Variants in BCL2L11 observed in about 807,000 individuals in gnomAD.
The protein encoded by BCL2L11 is BCL2 like 11.
BCL2L11 carries 15 observed loss-of-function variants against 20.6 expected under a neutral mutation model. The ratio of observed to expected loss-of-function variants is 0.73; its 90% confidence interval spans 0.49 to 1.12. BCL2L11 has a LOEUF of 1.12. Among genes scored for constraint, BCL2L11 ranks in the 50% most tolerant of loss-of-function variants. The pLI is 0.00. For missense variants in BCL2L11, 292 were observed against 260.9 expected (o/e 1.12, Z -0.82); for synonymous variants, 108 against 92.8 (o/e 1.16, Z -0.94).
intron 2 of BCL2L11, chr2:111,146,361 C>A: frequency 1.8e-6 from 1 of 542,882 alleles, no homozygotes; most frequent in Non-Finnish European, 2.4e-6. Flanking sequence ...TCTTACTTTT[C>A]TTATAAACTA....
intron 2 of BCL2L11, among the ~76,000 whole-genome samples, chr2:111,134,105 C>A (rs2074434744): frequency 1.3e-5 from 2 of 151,406 alleles, no homozygotes; most frequent in Admixed American, 1.3e-4. Flanking sequence ...TTTAGATAAA[C>A]CTGTTTTATC....
rs916309953 is a variant in BCL2L11 at position 111,156,522 on chromosome 2, G to C, written c.498+6375G>C. ...TCCTGTCTTAGACTACCCCGTTTCC[G>C]TCCCAGAAGTACAATGGCCAGAGGT... On this transcript the variant is annotated intron_variant, in intron 3 of 3. Coordinates refer to ENST00000393256, the MANE Select transcript of BCL2L11 (RefSeq NM_138621.5). Among the ~76,000 whole-genome samples, 4 of 152,308 alleles carry C rather than the reference G, an allele frequency of 2.6e-5. No homozygotes were observed. In the East Asian group the frequency reaches 7.7e-4, roughly 29 times the overall value.
chr2:111,129,018 C>T (rs1223893974), intron 2 of BCL2L11, among the ~76,000 whole-genome samples: 2 of 152,216 alleles, frequency 1.3e-5, no homozygotes, highest in Non-Finnish European at 2.9e-5. Context: ...CACATCACTT[C>T]CATGAAGCTT....
At chr2:111,156,467 G>T (rs780488673) in intron 3 of BCL2L11, among the ~76,000 whole-genome samples, 1 of 152,176 alleles carries the variant, frequency 6.6e-6, no homozygotes, top group African/African-American at 2.4e-5. Context: ...GGAGGAGGCA[G>T]CTCAGTGTTT....
chr2:111,139,495 G>A (rs988055827), intron 2 of BCL2L11, among the ~76,000 whole-genome samples: 1 of 152,240 alleles, frequency 6.6e-6, no homozygotes, highest in Non-Finnish European at 1.5e-5. Context: ...TTGTGTGAAT[G>A]AAATCAAGAC....
At chr2:111,140,873 G>A (rs2075688458) in intron 2 of BCL2L11, among the ~76,000 whole-genome samples, 1 of 152,216 alleles carries the variant, frequency 6.6e-6, no homozygotes, top group Non-Finnish European at 1.5e-5. Context: ...ATATACGAGT[G>A]CCACCAGTTC....
At chr2:111,133,225 A>G (rs546322124) in intron 2 of BCL2L11, among the ~76,000 whole-genome samples, 18 of 152,258 alleles carry the variant, frequency 1.2e-4, no homozygotes, top group Non-Finnish European at 1.6e-4. Context: ...ATTTTCTTCA[A>G]TTAGAATGGC....
Position 111,142,258 on chromosome 2 carries a change from T to C in BCL2L11, c.395-7786T>C, listed in dbSNP as rs1471090135. The C allele has an allele frequency of 2.8e-6, 4 of 1,434,094 alleles. No homozygotes were observed. The Admixed American group carries it at 5.9e-5, about 21-fold the overall frequency. The allele number at this position is 1,434,094 out of a possible 1,614,324, so 88.8% of individuals were successfully genotyped here. On this transcript the variant is annotated intron_variant, in intron 2 of 3. Transcript: ENST00000393256. ...TTTCCTTCTGTGACAAAACAAGTTA[T>C]CTGTCTGGGAAGACATGGCACAATT...
chr2:111,156,736 C>G (rs1193075429), intron 3 of BCL2L11, among the ~76,000 whole-genome samples: 1 of 152,150 alleles, frequency 6.6e-6, no homozygotes. Flanking sequence ...AGCCCTGACT[C>G]TACCCTTAAC....
At chr2:111,156,260 A>C (rs573610200) in intron 3 of BCL2L11, among the ~76,000 whole-genome samples, 3 of 152,356 alleles carry the variant, frequency 2.0e-5, no homozygotes, top group African/African-American at 7.2e-5. Flanking sequence ...AGTCGTGGAA[A>C]TCTGCACATC....
intron 2 of BCL2L11, among the ~76,000 whole-genome samples, chr2:111,132,536 C>T (rs1021582264): frequency 2.0e-5 from 3 of 152,160 alleles, no homozygotes; most frequent in African/African-American, 4.8e-5. Flanking sequence ...ACATTTTAGT[C>T]TCATTATACT....
chr2:111,123,969 C>T lies in BCL2L11; in HGVS notation c.224C>T (p.Thr75Ile). 1 of 1,614,240 alleles carries T rather than the reference C, an allele frequency of 6.2e-7. No individual in the cohort carries two copies. The highest frequency in any genetic ancestry group is 8.5e-7 in the Non-Finnish European group (1 of 1,180,038). Residue 75 changes from threonine (T) to isoleucine (I), a missense_variant, in exon 2 of 4, where the codon ACC becomes ATC. Coordinates refer to ENST00000393256, the MANE Select transcript of BCL2L11 (RefSeq NM_138621.5). The part of the protein sequence containing the change: ...APPASPGPFA[T>I]RSPLFIFMRR... Reference sequence around the variant, plus strand: ...CCTGCCAGCCCTGGCCCTTTTGCTACCAGATCCCCGCTTTTCATCTTTATG... The same window carrying T: ...CCTGCCAGCCCTGGCCCTTTTGCTATCAGATCCCCGCTTTTCATCTTTATG...
chr2:111,127,081 C>G (rs1003027124), intron 2 of BCL2L11, among the ~76,000 whole-genome samples: 2 of 152,130 alleles, frequency 1.3e-5, no homozygotes, highest in Admixed American at 6.5e-5. Flanking sequence ...GCAACAGATA[C>G]AGTTTTTTCA....
At chr2:111,160,635 G>A (rs2078438241) in intron 3 of BCL2L11, among the ~76,000 whole-genome samples, 1 of 152,168 alleles carries the variant, frequency 6.6e-6, no homozygotes, top group African/African-American at 2.4e-5. Context: ...ACTGGGTGGG[G>A]CCCTCCTCTT....
At chr2:111,151,894 G>A (rs1457286676) in intron 3 of BCL2L11, 1 of 1,545,816 alleles carries the variant, frequency 6.5e-7, no homozygotes, top group Non-Finnish European at 8.8e-7. Context: ...ATCTGAAATG[G>A]TAATTTTTTT....
At chr2:111,151,153 C>T (rs2077208577) in intron 3 of BCL2L11, among the ~76,000 whole-genome samples, 1 of 152,152 alleles carries the variant, frequency 6.6e-6, no homozygotes, top group African/African-American at 2.4e-5. Flanking sequence ...CTGCCTGCCT[C>T]GGCCTCCCAA....
chr2:111,150,811 C>T (rs995427889), intron 3 of BCL2L11, among the ~76,000 whole-genome samples: 3 of 152,106 alleles, frequency 2.0e-5, no homozygotes, highest in Admixed American at 6.5e-5. Context: ...TTAGTAGAAG[C>T]GGTGTTTTTT....
intron 2 of BCL2L11, chr2:111,128,879 G>A (rs961020304): frequency 4.4e-6 from 6 of 1,363,562 alleles, no homozygotes; most frequent in Non-Finnish European, 5.8e-6. Flanking sequence ...TTTAAACATG[G>A]CTACTAGAAA....
At chr2:111,145,170 A>G (rs944063685) in intron 2 of BCL2L11, among the ~76,000 whole-genome samples, 1 of 152,234 alleles carries the variant, frequency 6.6e-6, no homozygotes. Context: ...TTGAAATTCC[A>G]GTAATGATAA....
Sources: allele counts gnomAD v4.1 joint callset (sites outside exome capture counted in the v4.1 genomes callset), GRCh38; gene constraint gnomAD v4.1.1; transcripts MANE v1.5; gene names NCBI Gene and HGNC (gene_info 2026-07-23, HGNC 2026-07-21).